The following AEN variants were observed in gnomAD, a reference collection of about 807,000 sequenced individuals.
AEN encodes the protein apoptosis enhancing nuclease.
Under a neutral mutation model 17.7 loss-of-function variants are expected in AEN, and 21 were observed. The observed-to-expected ratio is 1.19, with a 90% confidence interval of 0.84 to 1.71. The LOEUF is 1.71. Ranked by LOEUF, AEN falls within the 40% of genes most tolerant of loss-of-function variation. The pLI, the probability that AEN is intolerant of heterozygous loss-of-function variation, is 0.00. For synonymous variants in AEN, 190 were observed against 173.0 expected, an observed-to-expected ratio of 1.10 and a Z score of -0.77; for missense variants, 462 against 435.9, an observed-to-expected ratio of 1.06 and a Z score of -0.53.
chr15:88,619,206 C>T (rs983640814), upstream of AEN, among the ~76,000 whole-genome samples: 3 of 152,330 alleles, frequency 2.0e-5, no homozygotes, highest in African/African-American at 7.2e-5. Flanking sequence ...CCTATTGTTT[C>T]TCCTGGAGAC....
rs2057898788 is a variant in AEN at position 88,629,426 on chromosome 15, G to A, written c.741G>A (p.Gln247=). 1 of 1,612,780 alleles carries A rather than the reference G, an allele frequency of 6.2e-7. No homozygotes were observed. The highest frequency in any genetic ancestry group is 1.7e-5 in the Admixed American group (1 of 59,958). ...TGCAGCTGCTGCACAAGAAGATCCA[G>A]GTGCGTGGTGGGAGAGTGGCTGGAA... ...LALQLLHKKI[Q]VGQHGHSSVE... The change falls in exon 3 of 4, where the codon CAG becomes CAA. Residue 247 remains glutamine, a splice_region_variant and synonymous_variant. Transcript: ENST00000332810.
chr15:88,607,292 T>C, the AEN span, among the ~76,000 whole-genome samples: 1 of 152,246 alleles, frequency 6.6e-6, no homozygotes, highest in Non-Finnish European at 1.5e-5. Flanking sequence ...ACCTAAAGCT[T>C]CTAATCCTCT....
Position 88,629,344 on chromosome 15 carries a change from T to C in AEN, c.659T>C (p.Phe220Ser). 1.9e-6 allele frequency: 3 copies of C among 1,614,008 alleles called. No individual in the cohort carries two copies. The change falls in exon 3 of 4, where the codon TTC (phenylalanine) becomes TCC (serine). Residue 220 changes from phenylalanine (F) to serine (S), a missense_variant. Coordinates refer to ENST00000332810, the MANE Select transcript of AEN (RefSeq NM_022767.4). The part of the protein sequence containing the change: ...QTRDTTYVPN[F>S]LSEPGLHTRA... The stretch of plus-strand genomic sequence containing the variant: ...CGGGATACGACCTATGTCCCAAACT[T>C]CCTCAGCGAGCCCGGCCTCCACACC...
chr15:88,605,056 G>C, the AEN span: 7 of 152,380 alleles, frequency 4.6e-5, no homozygotes, highest in African/African-American at 1.7e-4. The surrounding 1 kb of genome is among the most constrained non-coding windows in gnomAD (Gnocchi z 7.6). Context: ...TAAGCCTGAG[G>C]CTGCTCTGGA....
upstream of AEN, among the ~76,000 whole-genome samples, chr15:88,618,331 T>C (rs2057755717): frequency 2.0e-5 from 3 of 152,342 alleles, no homozygotes; most frequent in South Asian, 6.2e-4. Context: ...AAGCACCCTA[T>C]TGTACATTTC....
At chr15:88,624,303 G>A (rs1268017655) in intron 1 of AEN, among the ~76,000 whole-genome samples, 2 of 152,138 alleles carry the variant, frequency 1.3e-5, no homozygotes, top group African/African-American at 4.8e-5. Context: ...AACAGTAGCT[G>A]AGTCTGAAAG....
the AEN span, among the ~76,000 whole-genome samples, chr15:88,609,502 T>C: frequency 6.6e-6 from 1 of 152,136 alleles, no homozygotes; most frequent in East Asian, 1.9e-4. Flanking sequence ...ATCCCCATCA[T>C]CCATTACTGT....
chr15:88,612,390 G>A, the AEN span, among the ~76,000 whole-genome samples: 5 of 151,984 alleles, frequency 3.3e-5, no homozygotes, highest in Non-Finnish European at 5.9e-5. Context: ...CTTGTCTGGT[G>A]CCTGCTCCAC....
chr15:88,631,260 G>A lies in AEN; in HGVS notation c.*966G>A. 1 of 432,516 alleles carries A rather than the reference G, an allele frequency of 2.3e-6. No individual in the cohort carries two copies. The highest frequency in any genetic ancestry group is 4.8e-6 in the Non-Finnish European group (1 of 208,566). 26.8% of individuals were successfully genotyped at this position (432,516 alleles called of 1,614,324 possible). A position where few individuals can be genotyped will look rare whatever the true frequency, so the allele number is the denominator to read the frequency against. Reference sequence around the variant, plus strand: ...AGTCTGCGTGTCTCCTGGGGCTGGGGCAGGGCATTGGCAGTTACGCAGTGG... The same window carrying A: ...AGTCTGCGTGTCTCCTGGGGCTGGGACAGGGCATTGGCAGTTACGCAGTGG... On this transcript the variant is annotated 3_prime_UTR_variant, in exon 4 of 4. Coordinates refer to ENST00000332810, the MANE Select transcript of AEN (RefSeq NM_022767.4).
upstream of AEN, among the ~76,000 whole-genome samples, chr15:88,621,081 A>T (rs533633508): frequency 3.9e-5 from 6 of 152,138 alleles, no homozygotes; most frequent in Non-Finnish European, 8.8e-5. Context: ...GAGCCGGGGA[A>T]CACTGATGGG....
At position 88,626,194 on chromosome 15, in the gene AEN, C is replaced by A; in HGVS notation, c.-16C>A. 6.4e-7 allele frequency: 1 copy of A among 1,557,862 alleles called. No individual in the cohort carries two copies. The highest frequency in any genetic ancestry group is 8.7e-7 in the Non-Finnish European group (1 of 1,151,968). Reference sequence around the variant, plus strand: ...CTCCCCAGGCTTCCCTTGCCCCAAGCAGTGAGCTGACTGGAATGGTACCCC... The same window carrying A: ...CTCCCCAGGCTTCCCTTGCCCCAAGAAGTGAGCTGACTGGAATGGTACCCC... On this transcript the variant is annotated 5_prime_UTR_variant, in exon 2 of 4. Coordinates refer to ENST00000332810, the MANE Select transcript of AEN (RefSeq NM_022767.4).
At chr15:88,625,824 C>CTTTG (rs2057844148) in intron 1 of AEN, among the ~76,000 whole-genome samples, 1 of 152,206 alleles carries the variant, frequency 6.6e-6, no homozygotes, top group South Asian at 2.1e-4. Flanking sequence ...TCCTACCAGC[C>CTTTG]TTTGGCTTTT....
At chr15:88,621,228 C>G (rs1258103131), upstream of AEN, 1 of 152,316 alleles carries the variant, frequency 6.6e-6, no homozygotes, top group African/African-American at 2.4e-5. Context: ...TCCCCGCTGC[C>G]AGGCAGGCTC....
chr15:88,625,745 GA>G (rs1224107338), intron 1 of AEN, among the ~76,000 whole-genome samples: 2 of 152,080 alleles, frequency 1.3e-5, no homozygotes, highest in Non-Finnish European at 2.9e-5. Flanking sequence ...AATCACAGCA[GA>G]AAAAAAGTCC....
At chr15:88,605,948 C>T in the AEN span, among the ~76,000 whole-genome samples, 8 of 152,358 alleles carry the variant, frequency 5.3e-5, no homozygotes, top group Non-Finnish European at 1.0e-4. This position sits in a 1 kb window ranked among gnomAD's most constrained non-coding sequence, Gnocchi z 7.6. Context: ...GGAGGTGACA[C>T]AGGTTCGCGG....
chr15:88,628,977 A>T (rs996478999), intron 2 of AEN: 3 of 487,810 alleles, frequency 6.1e-6, no homozygotes, highest in African/African-American at 1.9e-5. Flanking sequence ...ACCCCACGGA[A>T]TGCTGCTGGC....
At position 88,626,702 on chromosome 15, in the gene AEN, C is replaced by T. The variant is rs1203174947; in HGVS notation, c.493C>T (p.Arg165Trp). 3.7e-6 allele frequency: 6 copies of T among 1,613,030 alleles called. No individual in the cohort carries two copies. The highest frequency in any genetic ancestry group is 1.3e-5 in the African/African-American group (1 of 74,918). The change falls in exon 2 of 4, where the codon CGG becomes TGG. Residue 165 changes from arginine (R) to tryptophan (W), a missense_variant. Transcript: ENST00000332810. ...DYRTRWSGITRQHMRKAVPFQ... is the reference protein window; with the variant it reads ...DYRTRWSGITWQHMRKAVPFQ... ...CCGTACCCGCTGGAGTGGCATCACT[C>T]GGCAGCACATGCGCAAGGCTGTCCC...
chr15:88,629,420 G>C lies in AEN; in HGVS notation c.735G>C (p.Lys245Asn). The stretch of plus-strand genomic sequence containing the variant: ...TGGCCCTGCAGCTGCTGCACAAGAA[G>C]ATCCAGGTGCGTGGTGGGAGAGTGG... ...KDLALQLLHK[K>N]IQVGQHGHSS... The change falls in exon 3 of 4, where the codon AAG becomes AAC. Residue 245 changes from lysine to asparagine, a missense_variant. Transcript: ENST00000332810. 3.1e-6 allele frequency: 5 copies of C among 1,613,306 alleles called. No homozygotes were observed. In the African/African-American group the frequency reaches 6.7e-5, roughly 21 times the overall value.
the AEN span, among the ~76,000 whole-genome samples, chr15:88,612,985 G>A: frequency 2.0e-5 from 3 of 152,180 alleles, no homozygotes; most frequent in African/African-American, 7.2e-5. Flanking sequence ...GACACTTTCA[G>A]TGGAGATTAA....
Sources: allele counts gnomAD v4.1 joint callset (sites outside exome capture counted in the v4.1 genomes callset), GRCh38; gene constraint gnomAD v4.1.1; non-coding constraint Gnocchi (gnomAD v3.1); transcripts MANE v1.5; gene names NCBI Gene and HGNC (gene_info 2026-07-23, HGNC 2026-07-21).